GRAMD4: variants seen among roughly 807,000 people sequenced by gnomAD.
The protein encoded by GRAMD4 is GRAM domain containing 4, also known as GRAM domain-containing protein 4.
Under a neutral mutation model 83.9 loss-of-function variants are expected in GRAMD4, and 25 were observed. The ratio of observed to expected loss-of-function variants is 0.30; its 90% CI spans 0.22 to 0.42. The LOEUF (loss-of-function observed/expected upper bound fraction) is 0.42. Ranked by LOEUF, GRAMD4 falls within the 10% of genes least tolerant of loss-of-function variation. The pLI is 1.00. For synonymous variants in GRAMD4, 336 were observed against 320.9 expected (o/e 1.05, Z -0.50); for missense variants, 593 against 788.7 (o/e 0.75, Z 2.97).
rs754913040 is a variant in GRAMD4, at chr22:46,622,561, C to T, written c.-50+1996C>T. ...GAGTTTCAGTTAGACAAGACGAGTC[C>T]GGAGGCAGCCGCTCAGCATCACAGA... On this transcript the variant is annotated intron_variant, in intron 1 of 18. Transcript: ENST00000406902. This position sits in a 1 kb window ranked among gnomAD's most constrained non-coding sequence, Gnocchi z 4.0. Among the ~76,000 whole-genome samples the T allele has an allele frequency of 2.8e-4, 43 of 152,224 alleles. No homozygotes were observed. Among genetic ancestry groups the T allele is most frequent in the Non-Finnish European group, 5.1e-4 (35 of 68,012 alleles).
rs578126645 is a variant in GRAMD4, at chr22:46,622,922, A to G, written c.-50+2357A>G. ...GCAAGACTCCATCTCTAAAAAAAAA[A>G]AAAAAAAAACTGATGAAATTGGTAA... is the stretch of plus-strand genomic sequence containing the variant. On this transcript the variant is annotated intron_variant, in intron 1 of 18. Transcript: ENST00000406902. This position sits in a 1 kb window ranked among gnomAD's most constrained non-coding sequence, Gnocchi z 4.0. 7.8e-3 allele frequency among the ~76,000 whole-genome samples: 1,187 copies of G among 152,076 alleles called. 9 individuals are homozygous for G. Among genetic ancestry groups the G allele is most frequent in the Non-Finnish European group, 0.012 (826 of 67,976 alleles).
intron 1 of GRAMD4, among the ~76,000 whole-genome samples, chr22:46,610,359 C>T (rs1601554140): frequency 2.0e-5 from 3 of 152,302 alleles, no homozygotes; most frequent in South Asian, 2.1e-4. Flanking sequence ...CGGACAGGGA[C>T]GGTCAGTGAC....
At chr22:46,645,066 C>T (rs1321422701) in intron 3 of GRAMD4, among the ~76,000 whole-genome samples, 1 of 151,832 alleles carries the variant, frequency 6.6e-6, no homozygotes, top group Non-Finnish European at 1.5e-5. Flanking sequence ...CGTTGATGGA[C>T]AGTTGTACTG....
intron 1 of GRAMD4, among the ~76,000 whole-genome samples, chr22:46,595,610 G>A (rs891995517): frequency 2.0e-5 from 3 of 152,166 alleles, no homozygotes; most frequent in Non-Finnish European, 2.9e-5. Flanking sequence ...CCCATGGGAG[G>A]CCCCTCTTCC....
chr22:46,639,305 G>GGTGGTTAACCCTGTGTGCAGCA (rs1298031336), intron 3 of GRAMD4, among the ~76,000 whole-genome samples: 26 of 151,998 alleles, frequency 1.7e-4, no homozygotes, highest in Admixed American at 7.2e-4. Flanking sequence ...TGTGTGCAGC[G>GGTGGTTAACCCTGTGTGCAGCA]GTGGTTAACC....
At chr22:46,651,322 G>T (rs2082162485) in intron 3 of GRAMD4, among the ~76,000 whole-genome samples, 1 of 152,218 alleles carries the variant, frequency 6.6e-6, no homozygotes. Flanking sequence ...GCCTATTTCG[G>T]CCGGCCCTCG....
At chr22:46,612,283 A>G (rs1265141889) in intron 1 of GRAMD4, among the ~76,000 whole-genome samples, 1 of 152,162 alleles carries the variant, frequency 6.6e-6, no homozygotes, top group Non-Finnish European at 1.5e-5. Context: ...CTGGGATTTC[A>G]GGTGTGAGCC....
rs571878949 is a variant in GRAMD4 at position 46,659,990 on chromosome 22, G to A, written c.405-1391G>A. 1.7e-4 allele frequency among the ~76,000 whole-genome samples: 26 copies of A among 152,274 alleles called. No individual in the cohort carries two copies. The East Asian group carries it at 4.6e-3, about 27-fold the overall frequency. On this transcript the variant is annotated intron_variant, in intron 4 of 18. Coordinates refer to ENST00000406902, the MANE Select transcript of GRAMD4 (RefSeq NM_015124.5). This position sits in a 1 kb window ranked among gnomAD's most constrained non-coding sequence, Gnocchi z 4.1. ...GGCATTTGGCCACAGTGCCATCCCC[G>A]CCACGGGACGCTGCTTCTCCCCCGG...
intron 1 of GRAMD4, among the ~76,000 whole-genome samples, chr22:46,612,351 A>G (rs1230213915): frequency 1.3e-5 from 2 of 152,176 alleles, no homozygotes; most frequent in South Asian, 2.1e-4. Flanking sequence ...TTTCCTGACC[A>G]TGGATGCTGT....
At chr22:46,597,685 T>G (rs111758180) in intron 1 of GRAMD4, among the ~76,000 whole-genome samples, 14,070 of 151,914 alleles carry the variant, frequency 0.093, 758 homozygotes, top group East Asian at 0.27. Flanking sequence ...GAGACGGGGT[T>G]TCACCGTGTT....
upstream of GRAMD4, among the ~76,000 whole-genome samples, chr22:46,615,601 GTAGGTTCCC>G: frequency 8.0e-6 from 1 of 124,332 alleles, no homozygotes; most frequent in East Asian, 2.5e-4. Flanking sequence ...TCCCCCGTGT[GTAGGTTCCC>G]CGTGCGTGTA....
intron 1 of GRAMD4, among the ~76,000 whole-genome samples, chr22:46,614,603 C>T (rs1025297999): frequency 6.6e-6 from 1 of 152,198 alleles, no homozygotes; most frequent in Non-Finnish European, 1.5e-5. Context: ...TGCCAGGGGC[C>T]AACCGTGGAG....
At position 46,611,216 on chromosome 22, in the gene GRAMD4, C is replaced by G. The variant is rs143286030; in HGVS notation, c.-49-15535C>G. On this transcript the variant is annotated intron_variant, in intron 1 of 1. Coordinates refer to the GRAMD4 transcript ENST00000431155. ...GGGTAACAGGAGCGAAACTCCATCT[C>G]AAAAAAAAAAAATATTAAATAAAAA... 6.6e-3 allele frequency among the ~76,000 whole-genome samples: 947 copies of G among 143,374 alleles called. 12 individuals are homozygous for G. The highest frequency in any genetic ancestry group is 0.023 in the African/African-American group (908 of 38,908). The allele number at this position is 143,374 out of a possible 152,430, so 94.1% of individuals were successfully genotyped here.
chr22:46,584,171 G>A (rs571153958), intron 1 of GRAMD4, among the ~76,000 whole-genome samples: 2 of 152,154 alleles, frequency 1.3e-5, no homozygotes, highest in African/African-American at 4.8e-5. Context: ...GATGCTCCAG[G>A]CTCAGCTTGT....
At chr22:46,632,236 G>A (rs1288970096) in intron 2 of GRAMD4, among the ~76,000 whole-genome samples, 2 of 152,178 alleles carry the variant, frequency 1.3e-5, no homozygotes, top group African/African-American at 4.8e-5. Flanking sequence ...GGAAGAGACA[G>A]GTAACTGTGT....
chr22:46,639,808 C>T (rs1255882448), intron 3 of GRAMD4, among the ~76,000 whole-genome samples: 1 of 152,216 alleles, frequency 6.6e-6, no homozygotes, highest in East Asian at 1.9e-4. Flanking sequence ...TCTGGTGACA[C>T]ACTATGGCTG....
chr22:46,666,015 G>A (rs2082403384), intron 9 of GRAMD4, among the ~76,000 whole-genome samples: 1 of 152,236 alleles, frequency 6.6e-6, no homozygotes, highest in Non-Finnish European at 1.5e-5. Flanking sequence ...GGGTAGGTGG[G>A]TGAAGCAAAC....
intron 2 of GRAMD4, among the ~76,000 whole-genome samples, chr22:46,628,861 C>A (rs1185492811): frequency 6.6e-6 from 1 of 152,014 alleles, no homozygotes; most frequent in Non-Finnish European, 1.5e-5. Flanking sequence ...GAATGTGGCT[C>A]CTGGGGGTGG....
intron 10 of GRAMD4, among the ~76,000 whole-genome samples, chr22:46,667,691 G>C (rs149977687): frequency 6.6e-6 from 1 of 152,244 alleles, no homozygotes; most frequent in East Asian, 1.9e-4. Flanking sequence ...GAGGCAGGCT[G>C]TTGCCCGCCC....
Sources: allele counts gnomAD v4.1 joint callset (sites outside exome capture counted in the v4.1 genomes callset), GRCh38; gene constraint gnomAD v4.1.1; non-coding constraint Gnocchi (gnomAD v3.1); transcripts MANE v1.5; gene names NCBI Gene and HGNC (gene_info 2026-07-23, HGNC 2026-07-21).